LRP1B: variants seen among roughly 807,000 people sequenced by gnomAD.
The protein encoded by LRP1B is low-density lipoprotein receptor-related protein 1B.
A neutral mutation model predicts 556.6 loss-of-function variants in LRP1B; 217 were observed. That is an observed-to-expected ratio of 0.39 (90% CI 0.35 to 0.44). The LOEUF is 0.44. Among genes scored for constraint, LRP1B ranks in the 20% least tolerant of loss-of-function variants. The pLI is 1.00. For missense variants in LRP1B, 5,053 were observed against 5,620.8 expected (o/e 0.90, Z 3.23); for synonymous variants, 2,047 against 1,865.8 (o/e 1.10, Z -2.50).
chr2:141,744,774 T>C lies in LRP1B; in HGVS notation c.205+65505A>G, dbSNP rs117380736. Among the ~76,000 whole-genome samples the C allele has an allele frequency of 2.0e-4, 30 of 152,316 alleles. No homozygotes were observed. In the East Asian group the frequency reaches 2.9e-3, roughly 15 times the overall value. On this transcript the variant is annotated intron_variant, in intron 2 of 90. Transcript: ENST00000389484. The stretch of plus-strand genomic sequence containing the variant: ...GTGCATGTTCATTGTTGTTTGGGCA[T>C]TGAAGAGTTAGGTATTTATTGTAGT...
chr2:141,674,285 C>G (rs573979232), intron 2 of LRP1B, among the ~76,000 whole-genome samples: 2 of 152,136 alleles, frequency 1.3e-5, no homozygotes, highest in African/African-American at 4.8e-5. Flanking sequence ...TTTTCTAAAG[C>G]ATTAAATATA....
chr2:140,625,330 T>C (rs1259106349), intron 41 of LRP1B, among the ~76,000 whole-genome samples: 1 of 152,148 alleles, frequency 6.6e-6, no homozygotes, highest in Admixed American at 6.5e-5. Context: ...TTTTAAAAAG[T>C]AATGGAAGGC....
intron 2 of LRP1B, among the ~76,000 whole-genome samples, chr2:141,687,992 T>C (rs903817998): frequency 2.8e-5 from 4 of 144,542 alleles, no homozygotes; most frequent in African/African-American, 1.1e-4. Flanking sequence ...CTTTATTTAT[T>C]AATAAATTAT....
intron 1 of LRP1B, among the ~76,000 whole-genome samples, chr2:141,945,202 T>C (rs1225709978): frequency 5.3e-5 from 8 of 152,146 alleles, no homozygotes; most frequent in African/African-American, 1.9e-4. Context: ...GTCTTAAAGC[T>C]AACATCTCTG....
At chr2:142,010,019 T>C (rs1168226512) in intron 1 of LRP1B, among the ~76,000 whole-genome samples, 5 of 152,138 alleles carry the variant, frequency 3.3e-5, no homozygotes, top group Non-Finnish European at 7.4e-5. Flanking sequence ...TAGATATAGA[T>C]ATAATCATAT....
chr2:141,220,791 T>A lies in LRP1B; in HGVS notation c.850+8392A>T, dbSNP rs573045187. 9.3e-5 allele frequency among the ~76,000 whole-genome samples: 14 copies of A among 150,384 alleles called. No homozygotes were observed. The East Asian group carries it at 2.7e-3, about 29-fold the overall frequency. ...TCTTAAAAAAAAAAAAAAAAAGAATTTCCAACCAAAAATTTCATTATCAGC... is the reference window on the plus strand; with the variant it reads ...TCTTAAAAAAAAAAAAAAAAAGAATATCCAACCAAAAATTTCATTATCAGC... On this transcript the variant is annotated intron_variant, in intron 6 of 90. Coordinates refer to ENST00000389484, the MANE Select transcript of LRP1B (RefSeq NM_018557.3).
chr2:141,279,453 C>T (rs750125267), intron 3 of LRP1B, among the ~76,000 whole-genome samples: 15 of 152,014 alleles, frequency 9.9e-5, no homozygotes, highest in Non-Finnish European at 2.1e-4. Context: ...GAGTTAATTG[C>T]CTTCTAGAAC....
intron 1 of LRP1B, among the ~76,000 whole-genome samples, chr2:141,825,145 G>T (rs1225252728): frequency 6.6e-6 from 1 of 152,168 alleles, no homozygotes; most frequent in Non-Finnish European, 1.5e-5. Flanking sequence ...GGAGCTCTTT[G>T]TAGCAGTGTG....
intron 3 of LRP1B, among the ~76,000 whole-genome samples, chr2:141,344,507 T>C (rs1559019059): frequency 6.6e-6 from 1 of 152,216 alleles, no homozygotes; most frequent in Non-Finnish European, 1.5e-5. Flanking sequence ...CTTCAAATAT[T>C]GGGTTTTCAT....
At chr2:141,349,933 C>T (rs1022797120) in intron 3 of LRP1B, among the ~76,000 whole-genome samples, 18 of 152,078 alleles carry the variant, frequency 1.2e-4, no homozygotes, top group Non-Finnish European at 2.4e-4. Context: ...GGACAATTTA[C>T]AAAAGAAAGA....
rs554253650 is a variant in LRP1B at position 141,538,474 on chromosome 2, CA to C, written c.206-57942del. Among the ~76,000 whole-genome samples the C allele has an allele frequency of 4.6e-3, 701 of 152,126 alleles. 3 individuals carry two copies. The highest frequency in any genetic ancestry group is 0.016 in the African/African-American group (668 of 41,520). ...ACCAAATCATCACTCATTATTCTAG[CA>C]ATCTATTACAACTGAGTTATAGATC... On this transcript the variant is annotated intron_variant, in intron 2 of 90. Transcript: ENST00000389484.
At chr2:141,016,589 C>A (rs753755161) in intron 12 of LRP1B, among the ~76,000 whole-genome samples, 2 of 152,014 alleles carry the variant, frequency 1.3e-5, no homozygotes, top group African/African-American at 2.4e-5. Context: ...AGATTTTGAG[C>A]TTTAATGTCT....
intron 2 of LRP1B, among the ~76,000 whole-genome samples, chr2:141,771,965 C>T (rs1416597503): frequency 6.6e-6 from 1 of 151,982 alleles, no homozygotes; most frequent in Non-Finnish European, 1.5e-5. Flanking sequence ...ATTATAGGTG[C>T]CTGCCACCAC....
chr2:140,614,847 A>T (rs1683202427), intron 41 of LRP1B, among the ~76,000 whole-genome samples: 1 of 152,190 alleles, frequency 6.6e-6, no homozygotes, highest in Non-Finnish European at 1.5e-5. Context: ...TGGAAAATAA[A>T]ACTGCCTTTG....
At chr2:141,779,366 A>C (rs1230170879) in intron 2 of LRP1B, among the ~76,000 whole-genome samples, 4 of 151,820 alleles carry the variant, frequency 2.6e-5, no homozygotes, top group African/African-American at 9.7e-5. Flanking sequence ...AAAAAGATAT[A>C]CTGCATTATC....
chr2:140,696,653 A>G (rs924792685), intron 41 of LRP1B, among the ~76,000 whole-genome samples: 3 of 152,126 alleles, frequency 2.0e-5, no homozygotes, highest in African/African-American at 4.8e-5. Context: ...CAGCATTATC[A>G]TGTGAGCTCC....
intron 2 of LRP1B, among the ~76,000 whole-genome samples, chr2:141,742,262 T>C (rs1162490696): frequency 2.0e-5 from 3 of 151,282 alleles, no homozygotes; most frequent in Admixed American, 6.6e-5. Flanking sequence ...TTTCTTTTTT[T>C]TTTTTTTGAG....
chr2:142,080,834 C>T (rs1705686086), intron 1 of LRP1B, among the ~76,000 whole-genome samples: 1 of 152,146 alleles, frequency 6.6e-6, no homozygotes, highest in Non-Finnish European at 1.5e-5. Context: ...AGGAGGCTTT[C>T]CTTGTTCAAA....
intron 59 of LRP1B, among the ~76,000 whole-genome samples, chr2:140,479,481 A>C (rs1688131118): frequency 7.2e-6 from 1 of 138,032 alleles, no homozygotes; most frequent in Non-Finnish European, 1.6e-5. Flanking sequence ...TAAGCACATA[A>C]AAGAATGTCT....
Sources: allele counts gnomAD v4.1 joint callset (sites outside exome capture counted in the v4.1 genomes callset), GRCh38; gene constraint gnomAD v4.1.1; transcripts MANE v1.5; gene names NCBI Gene and HGNC (gene_info 2026-07-23, HGNC 2026-07-21).